RAPGEF5: variants seen among roughly 807,000 people sequenced by gnomAD.
RAPGEF5 encodes the protein M-Ras-regulated GEF.
A neutral mutation model predicts 125.2 loss-of-function variants in RAPGEF5; 65 were observed. The ratio of observed to expected loss-of-function variants is 0.52; its 90% CI spans 0.43 to 0.64. The LOEUF (loss-of-function observed/expected upper bound fraction) is 0.64, where lower values mean the gene tolerates loss of function less well. Among genes scored for constraint, RAPGEF5 ranks in the 30% least tolerant of loss-of-function variants. The pLI, the probability that RAPGEF5 is intolerant of heterozygous loss-of-function variation, is 0.00. For synonymous variants in RAPGEF5, 391 were observed against 385.9 expected (o/e 1.01, Z -0.16); for missense variants, 958 against 1,048.1 (o/e 0.91, Z 1.19).
At chr7:22,175,707 C>T (rs1368711921) in intron 11 of RAPGEF5, among the ~76,000 whole-genome samples, 2 of 152,110 alleles carry the variant, frequency 1.3e-5, no homozygotes, top group South Asian at 2.1e-4. Context: ...GTCCATTAAA[C>T]GTTCTTAACT....
At chr7:22,147,184 T>C (rs547780582) in intron 18 of RAPGEF5, among the ~76,000 whole-genome samples, 165 bp from the exon 19 acceptor site, 14 of 152,214 alleles carry the variant, frequency 9.2e-5, no homozygotes, top group Non-Finnish European at 1.3e-4. Context: ...ACAGCCAATT[T>C]AGGAAACGGT....
intron 11 of RAPGEF5, among the ~76,000 whole-genome samples, chr7:22,175,510 A>T (rs760631580): frequency 3.9e-5 from 6 of 152,208 alleles, no homozygotes; most frequent in Non-Finnish European, 7.3e-5. Flanking sequence ...AACTGTACAG[A>T]TTAGAATGTG....
At chr7:22,349,411 G>A (rs1161178116) in intron 1 of RAPGEF5, among the ~76,000 whole-genome samples, 3 of 121,896 alleles carry the variant, frequency 2.5e-5, no homozygotes, top group African/African-American at 6.3e-5. Flanking sequence ...GCGATAGAGT[G>A]AGACTCCATC....
At chr7:22,298,258 A>G (rs576022088) in intron 5 of RAPGEF5, among the ~76,000 whole-genome samples, 46 of 151,048 alleles carry the variant, frequency 3.0e-4, no homozygotes, top group African/African-American at 1.0e-3. Flanking sequence ...GCTCACTGCA[A>G]CCTCTGCCAC....
intron 11 of RAPGEF5, among the ~76,000 whole-genome samples, chr7:22,171,421 T>C (rs995887814): frequency 6.6e-6 from 1 of 152,248 alleles, no homozygotes; most frequent in Non-Finnish European, 1.5e-5. Flanking sequence ...AAAAAAAGTA[T>C]TCATTTTGAT....
intron 9 of RAPGEF5, among the ~76,000 whole-genome samples, chr7:22,219,641 C>T (rs1424773949): frequency 6.6e-6 from 1 of 151,968 alleles, no homozygotes; most frequent in East Asian, 1.9e-4. Context: ...CATATTTCTA[C>T]ATAATTTACT....
At chr7:22,251,527 A>T (rs1244619391) in intron 7 of RAPGEF5, among the ~76,000 whole-genome samples, 1 of 152,202 alleles carries the variant, frequency 6.6e-6, no homozygotes, top group Non-Finnish European at 1.5e-5. Context: ...GTAGCTGCCC[A>T]GTCAACAGTG....
intron 6 of RAPGEF5, among the ~76,000 whole-genome samples, chr7:22,290,660 G>A (rs1782910994): frequency 6.6e-6 from 1 of 150,862 alleles, no homozygotes; most frequent in Non-Finnish European, 1.5e-5. Context: ...CAGGAGAATG[G>A]CGTGAACCCG....
intron 8 of RAPGEF5, among the ~76,000 whole-genome samples, chr7:22,228,877 C>G (rs765533052): frequency 8.5e-5 from 13 of 152,188 alleles, no homozygotes; most frequent in Middle Eastern, 3.4e-3. Context: ...GAGGCAGCGC[C>G]CCTAGTCTTT....
rs1218268659 is a variant in RAPGEF5 at position 22,121,438 on chromosome 7, G to C, written c.*968C>G. 2.0e-5 allele frequency: 3 copies of C among 152,128 alleles called. No individual in the cohort carries two copies. The highest frequency in any genetic ancestry group is 2.0e-4 in the Admixed American group (3 of 15,276). The allele number at this position is 152,128 out of a possible 1,614,324, so 9.4% of individuals were successfully genotyped here. A position where few individuals can be genotyped will look rare whatever the true frequency, so the allele number is the denominator to read the frequency against. On this transcript the variant is annotated 3_prime_UTR_variant, in exon 26 of 26. Coordinates refer to ENST00000665637, the MANE Select transcript of RAPGEF5 (RefSeq NM_012294.5). ...AATGTCACTTAACCTCCCTGCACTG[G>C]CTGCTGTCATTCCATAGTGTGGGCA...
chr7:22,353,188 C>T (rs1232019671), intron 1 of RAPGEF5, among the ~76,000 whole-genome samples: 4 of 152,112 alleles, frequency 2.6e-5, no homozygotes, highest in Non-Finnish European at 5.9e-5. Flanking sequence ...GGATGTTCTA[C>T]AGCACAAATG....
chr7:22,339,508 TAACCA>T (rs1784088144), intron 1 of RAPGEF5, among the ~76,000 whole-genome samples: 1 of 152,134 alleles, frequency 6.6e-6, no homozygotes. Context: ...AAAGCTGCAA[TAACCA>T]TCCTGATGGA....
intron 3 of RAPGEF5, among the ~76,000 whole-genome samples, chr7:22,314,108 CTTAA>C (rs756143285): frequency 5.3e-5 from 8 of 152,162 alleles, no homozygotes; most frequent in Non-Finnish European, 1.2e-4. Flanking sequence ...ATTAAATGTG[CTTAA>C]TTAAAGTGTT....
intron 12 of RAPGEF5, chr7:22,163,006 T>C (rs541996457): frequency 8.8e-6 from 4 of 456,616 alleles, no homozygotes; most frequent in South Asian, 1.6e-5. Flanking sequence ...CAAATGAGTA[T>C]AGATTTCTGC....
In RAPGEF5 at chr7:22,245,266, C is replaced by T. The variant is rs746902458; in HGVS notation, c.797-14347G>A. On this transcript the variant is annotated intron_variant, in intron 7 of 25. Coordinates refer to ENST00000665637, the MANE Select transcript of RAPGEF5 (RefSeq NM_012294.5). ...ATTTTTACCACTCTGCGTGTTGTCT[C>T]TTCATTCTGTTAATTACTCCCTTTC... is the stretch of plus-strand genomic sequence containing the variant. 6.6e-5 allele frequency among the ~76,000 whole-genome samples: 10 copies of T among 152,122 alleles called. No homozygotes were observed. The South Asian group carries it at 1.9e-3, about 28-fold the overall frequency.
At chr7:22,211,043 G>C (rs1785496779) in intron 9 of RAPGEF5, among the ~76,000 whole-genome samples, 1 of 152,096 alleles carries the variant, frequency 6.6e-6, no homozygotes, top group Non-Finnish European at 1.5e-5. Context: ...TGATTTATTA[G>C]AAAAAATGTA....
At chr7:22,337,704 T>C (rs1009303246) in intron 1 of RAPGEF5, among the ~76,000 whole-genome samples, 7 of 152,200 alleles carry the variant, frequency 4.6e-5, no homozygotes, top group African/African-American at 1.7e-4. Flanking sequence ...CTGTCATAAT[T>C]TTCTGTTACA....
At chr7:22,238,564 A>AT (rs1786248812) in intron 7 of RAPGEF5, among the ~76,000 whole-genome samples, 1 of 152,238 alleles carries the variant, frequency 6.6e-6, no homozygotes, top group African/African-American at 2.4e-5. Context: ...GAGCAATGAC[A>AT]TTATGCTCAC....
chr7:22,295,447 A>G (rs540255300), intron 5 of RAPGEF5, among the ~76,000 whole-genome samples: 5 of 152,182 alleles, frequency 3.3e-5, no homozygotes, highest in South Asian at 2.1e-4. Flanking sequence ...CTCAATTTCA[A>G]ATGCTAATAT....
Sources: gnomAD v4.1 joint callset for allele counts (sites outside exome capture counted in the v4.1 genomes callset) on GRCh38, gnomAD v4.1.1 for gene constraint, MANE v1.5 for transcripts, NCBI Gene and HGNC (gene_info 2026-07-23, HGNC 2026-07-21) for gene names.